The following CNTN5 variants were observed in gnomAD, a reference collection of about 807,000 sequenced individuals.
CNTN5 encodes the protein contactin-5.
CNTN5 carries 77 observed loss-of-function variants against 129.1 expected under a neutral mutation model. The observed-to-expected ratio is 0.60, with a 90% confidence interval of 0.50 to 0.72. The LOEUF is 0.72. Ranked by LOEUF, CNTN5 falls within the 30% of genes least tolerant of loss-of-function variation. The pLI is 0.00. For synonymous variants in CNTN5, 509 were observed against 465.6 expected, an observed-to-expected ratio of 1.09 and a Z score of -1.20; for missense variants, 1,478 against 1,328.8, an observed-to-expected ratio of 1.11 and a Z score of -1.75.
rs190995990 is a variant in CNTN5 at position 99,099,668 on chromosome 11, C to A, written c.-210+78398C>A. ...AGACTCCCACTTCCTAGTTAAGTTGCCTTGAGACCCTTACTTGAAATTGTG... is the reference window on the plus strand; with the variant it reads ...AGACTCCCACTTCCTAGTTAAGTTGACTTGAGACCCTTACTTGAAATTGTG... On this transcript the variant is annotated intron_variant, in intron 1 of 24. Coordinates refer to ENST00000524871, the MANE Select transcript of CNTN5 (RefSeq NM_014361.4). Among the ~76,000 whole-genome samples, 150 of 152,036 alleles carry A rather than the reference C, an allele frequency of 9.9e-4. 1 individual carries two copies. The highest frequency in any genetic ancestry group is 3.5e-3 in the African/African-American group (145 of 41,492).
intron 1 of CNTN5, among the ~76,000 whole-genome samples, chr11:99,246,138 T>C (rs1861803383): frequency 6.6e-6 from 1 of 152,176 alleles, no homozygotes; most frequent in African/African-American, 2.4e-5. Flanking sequence ...TTATGAAAAA[T>C]GAGATCTGAA....
At chr11:99,784,795 G>GT (rs55715264) in intron 3 of CNTN5, among the ~76,000 whole-genome samples, 26,508 of 93,038 alleles carry the variant, frequency 0.28, 3,620 homozygotes, top group Middle Eastern at 0.34. Flanking sequence ...ATCTCATTGT[G>GT]TTTTTTTTTT....
At chr11:99,876,533 TG>T (rs1232642608) in intron 6 of CNTN5, among the ~76,000 whole-genome samples, 1 of 152,046 alleles carries the variant, frequency 6.6e-6, no homozygotes, top group Non-Finnish European at 1.5e-5. Context: ...AGGAGTACAG[TG>T]GGGGGTATGG....
At position 99,449,428 on chromosome 11, in the gene CNTN5, G is replaced by C. The variant is rs149526471; in HGVS notation, c.-70-106717G>C. ...GCTTTCTCAAAACTTATATTTGTAT[G>C]GTTTGAAAATTACTCACAATATTTA... On this transcript the variant is annotated intron_variant, in intron 2 of 24. Coordinates refer to ENST00000524871, the MANE Select transcript of CNTN5 (RefSeq NM_014361.4). 4.6e-5 allele frequency among the ~76,000 whole-genome samples: 7 copies of C among 152,248 alleles called. No homozygotes were observed. In the East Asian group the frequency reaches 1.2e-3, roughly 25 times the overall value.
intron 7 of CNTN5, among the ~76,000 whole-genome samples, chr11:99,932,751 A>G (rs916550938): frequency 6.6e-6 from 1 of 152,058 alleles, no homozygotes. Context: ...TAACTTAGTG[A>G]TGATGATGAT....
chr11:100,283,009 G>A (rs1950675246), intron 18 of CNTN5, among the ~76,000 whole-genome samples: 1 of 152,210 alleles, frequency 6.6e-6, no homozygotes, highest in African/African-American at 2.4e-5. Context: ...TCCCTGGGCA[G>A]GTCCAGAAAT....
At chr11:99,789,433 A>C (rs1403199216) in intron 3 of CNTN5, among the ~76,000 whole-genome samples, 1 of 151,990 alleles carries the variant, frequency 6.6e-6, no homozygotes, top group Non-Finnish European at 1.5e-5. Flanking sequence ...CTTTGGAGAT[A>C]ATTTTTCATG....
At chr11:99,352,718 A>G (rs576869048) in intron 2 of CNTN5, among the ~76,000 whole-genome samples, 6 of 152,254 alleles carry the variant, frequency 3.9e-5, no homozygotes, top group South Asian at 2.1e-4. Flanking sequence ...ATCATCTTTC[A>G]TTATTCCTTT....
At chr11:99,678,314 G>A (rs1219980521) in intron 3 of CNTN5, among the ~76,000 whole-genome samples, 1 of 151,718 alleles carries the variant, frequency 6.6e-6, no homozygotes, top group Non-Finnish European at 1.5e-5. Context: ...GGCAAAAAAT[G>A]TTACAAAGAA....
At chr11:99,424,586 C>G (rs1177784270) in intron 2 of CNTN5, among the ~76,000 whole-genome samples, 1 of 152,216 alleles carries the variant, frequency 6.6e-6, no homozygotes, top group Non-Finnish European at 1.5e-5. Context: ...CTGGGCCAGA[C>G]GTAATGTAAG....
At chr11:99,670,537 A>G (rs1421459525) in intron 3 of CNTN5, among the ~76,000 whole-genome samples, 1 of 152,190 alleles carries the variant, frequency 6.6e-6, no homozygotes, top group East Asian at 1.9e-4. Flanking sequence ...GCATAAAATG[A>G]TTGAGTGGCT....
At chr11:100,110,933 ATTGAG>A (rs372698847) in intron 13 of CNTN5, among the ~76,000 whole-genome samples, 7 of 152,134 alleles carry the variant, frequency 4.6e-5, no homozygotes, top group African/African-American at 1.7e-4. Flanking sequence ...AGTGCAGTCC[ATTGAG>A]TATTGAATTA....
chr11:99,296,069 C>G lies in CNTN5; in HGVS notation c.-209-29277C>G, dbSNP rs531578825. 1.4e-4 allele frequency among the ~76,000 whole-genome samples: 22 copies of G among 152,076 alleles called. 1 individual carries two copies. In the South Asian group the frequency reaches 4.6e-3, roughly 32 times the overall value. Reference sequence around the variant, plus strand: ...CCCTATAAGTGCACTTAATAGGCCCCCTTTTAATTTCTATTGTTCATAGTG... The same window carrying G: ...CCCTATAAGTGCACTTAATAGGCCCGCTTTTAATTTCTATTGTTCATAGTG... On this transcript the variant is annotated intron_variant, in intron 1 of 24. Transcript: ENST00000524871.
At chr11:99,923,967 G>A (rs900404476) in intron 7 of CNTN5, among the ~76,000 whole-genome samples, 2 of 151,932 alleles carry the variant, frequency 1.3e-5, no homozygotes, top group Admixed American at 1.3e-4. Context: ...AATTTTTTGT[G>A]TTTTAGTAGA....
intron 3 of CNTN5, among the ~76,000 whole-genome samples, chr11:99,810,521 A>G (rs550769166): frequency 4.1e-4 from 63 of 152,264 alleles, no homozygotes; most frequent in Middle Eastern, 6.8e-3. Context: ...AACTTTACAC[A>G]TAATACATTT....
Position 100,193,580 on chromosome 11 carries a change from T to C in CNTN5, c.1801T>C (p.Leu601=). 1 of 1,612,122 alleles carries C rather than the reference T, an allele frequency of 6.2e-7. No individual in the cohort carries two copies. Among genetic ancestry groups the C allele is most frequent in the South Asian group, 1.1e-5 (1 of 90,970 alleles). Residue 601 remains leucine, a synonymous_variant, in exon 15 of 25, where the codon TTG becomes CTG. Transcript: ENST00000524871. ...LNCKAIHDAS[L]DVTFYWTLKG... is the part of the protein sequence containing the mutation. Reference sequence around the variant, plus strand: ...TTGCAAAGCAATTCACGATGCTAGTTTGGATGTCACTTTCTACTGGACTCT... The same window carrying C: ...TTGCAAAGCAATTCACGATGCTAGTCTGGATGTCACTTTCTACTGGACTCT...
chr11:99,834,290 A>G (rs1432556732), intron 4 of CNTN5, among the ~76,000 whole-genome samples: 1 of 152,144 alleles, frequency 6.6e-6, no homozygotes, highest in Non-Finnish European at 1.5e-5. Context: ...GATTTTTATG[A>G]ACAAAAACTC....
chr11:99,799,691 T>G (rs1296989468), intron 3 of CNTN5, among the ~76,000 whole-genome samples: 1 of 152,122 alleles, frequency 6.6e-6, no homozygotes, highest in Non-Finnish European at 1.5e-5. Context: ...TCAGGGATAT[T>G]GGCATGTAAT....
intron 3 of CNTN5, among the ~76,000 whole-genome samples, chr11:99,706,929 C>G (rs1954781315): frequency 6.6e-6 from 1 of 150,742 alleles, no homozygotes; most frequent in South Asian, 2.1e-4. Context: ...AAGTGTAATC[C>G]TGTGCTATAT....
Sources: gnomAD v4.1 joint callset for allele counts (sites outside exome capture counted in the v4.1 genomes callset) on GRCh38, gnomAD v4.1.1 for gene constraint, MANE v1.5 for transcripts, NCBI Gene and HGNC (gene_info 2026-07-23, HGNC 2026-07-21) for gene names.